Variants in RALYL observed in about 807,000 individuals in gnomAD.
The protein encoded by RALYL is RALY RNA binding protein like, also known as RNA-binding Raly-like protein.
RALYL carries 29 observed loss-of-function variants against 35.1 expected under a neutral mutation model. The observed-to-expected ratio is 0.83, with a 90% confidence interval of 0.61 to 1.13. The LOEUF is 1.13. Among genes scored for constraint, RALYL ranks in the 50% most tolerant of loss-of-function variants. The pLI is 0.00. For missense variants in RALYL, 359 were observed against 360.4 expected, an observed-to-expected ratio of 1.00 and a Z score of 0.03; for synonymous variants, 120 against 127.6, an observed-to-expected ratio of 0.94 and a Z score of 0.40.
At chr8:84,403,530 T>G (rs971501141) in intron 1 of RALYL, among the ~76,000 whole-genome samples, 18 of 129,650 alleles carry the variant, frequency 1.4e-4, no homozygotes, top group African/African-American at 5.0e-4. Context: ...CTCTGTTTTT[T>G]TTTTTTTTTT....
intron 2 of RALYL, among the ~76,000 whole-genome samples, chr8:84,669,495 C>CTCCT (rs1245149936): frequency 2.6e-5 from 2 of 77,266 alleles, no homozygotes; most frequent in Non-Finnish European, 2.6e-5. Context: ...CCTCCCCCCC[C>CTCCT]CCCCACTCTA....
At chr8:84,478,861 C>T (rs1008348302) in intron 1 of RALYL, among the ~76,000 whole-genome samples, 1 of 148,526 alleles carries the variant, frequency 6.7e-6, no homozygotes, top group Admixed American at 6.9e-5. Flanking sequence ...CGGAGGCGGG[C>T]GGATCACGAG....
rs918935577 is a variant in RALYL at position 84,376,593 on chromosome 8, A to C, written c.-23-152706A>C. Among the ~76,000 whole-genome samples the C allele has an allele frequency of 8.6e-5, 13 of 151,800 alleles. 1 individual carries two copies. The highest frequency in any genetic ancestry group is 1.9e-4 in the Non-Finnish European group (13 of 67,860). On this transcript the variant is annotated intron_variant, in intron 1 of 8. Coordinates refer to ENST00000521268, the MANE Select transcript of RALYL (RefSeq NM_173848.7). ...GCAGGGTACTTGGCAAGTTGTCAAA[A>C]CTGAGCCTCAAATTACTGGAATAAA...
At chr8:84,692,303 A>G (rs1338257534) in intron 2 of RALYL, among the ~76,000 whole-genome samples, 1 of 152,016 alleles carries the variant, frequency 6.6e-6, no homozygotes, top group East Asian at 1.9e-4. Flanking sequence ...AATCAAAAAC[A>G]ATATGGACTG....
At chr8:84,849,891 A>G in intron 4 of RALYL, 89 bp from the exon 5 acceptor site, 1 of 693,254 alleles carries the variant, frequency 1.4e-6, no homozygotes, top group Non-Finnish European at 2.4e-6. Context: ...TTTAAAAGTA[A>G]CAAATTTTAT....
At chr8:84,478,521 A>G (rs2053669265) in intron 1 of RALYL, among the ~76,000 whole-genome samples, 2 of 152,280 alleles carry the variant, frequency 1.3e-5, no homozygotes, top group South Asian at 4.1e-4. Context: ...GTCCATGGAT[A>G]TTCTCTACAT....
intron 2 of RALYL, among the ~76,000 whole-genome samples, chr8:84,609,292 G>C (rs1291600611): frequency 6.6e-6 from 1 of 152,114 alleles, no homozygotes; most frequent in East Asian, 1.9e-4. Flanking sequence ...GTTTTTCTTT[G>C]ATCAACTTAA....
At chr8:84,426,879 T>C (rs1030970455) in intron 1 of RALYL, among the ~76,000 whole-genome samples, 1 of 152,042 alleles carries the variant, frequency 6.6e-6, no homozygotes, top group African/African-American at 2.4e-5. Context: ...GGTACAGCCG[T>C]TATGGAGAAC....
chr8:84,350,284 A>C (rs1850653675), intron 1 of RALYL, among the ~76,000 whole-genome samples: 1 of 150,474 alleles, frequency 6.6e-6, no homozygotes. Flanking sequence ...AGGGATCTAA[A>C]ATGCACATCA....
chr8:84,805,332 A>G (rs1441425101), intron 4 of RALYL, among the ~76,000 whole-genome samples: 1 of 152,218 alleles, frequency 6.6e-6, no homozygotes, highest in Non-Finnish European at 1.5e-5. Context: ...GCAAATTTAG[A>G]TAAGACGAAC....
At chr8:84,913,715 T>C (rs1180280690) in intron 8 of RALYL, among the ~76,000 whole-genome samples, 2 of 151,968 alleles carry the variant, frequency 1.3e-5, no homozygotes, top group Non-Finnish European at 2.9e-5. Flanking sequence ...AAATTCTGAG[T>C]TATCCAGTAT....
At chr8:84,219,861 G>A (rs989521699) in intron 1 of RALYL, among the ~76,000 whole-genome samples, 17 of 125,442 alleles carry the variant, frequency 1.4e-4, no homozygotes, top group East Asian at 4.2e-4. Context: ...AACAGAAGAC[G>A]TATAGATAGA....
chr8:84,387,854 A>C (rs1409894742), intron 1 of RALYL, among the ~76,000 whole-genome samples: 4 of 126,368 alleles, frequency 3.2e-5, no homozygotes, highest in Non-Finnish European at 6.9e-5. Context: ...TTTAAAATTT[A>C]TTATTATACT....
At chr8:84,386,825 A>G (rs1859308046) in intron 1 of RALYL, among the ~76,000 whole-genome samples, 1 of 151,860 alleles carries the variant, frequency 6.6e-6, no homozygotes, top group African/African-American at 2.4e-5. Flanking sequence ...CCTATACTTC[A>G]GCATTCTAAA....
chr8:84,902,516 A>G (rs1293669698), intron 8 of RALYL, among the ~76,000 whole-genome samples: 1 of 152,220 alleles, frequency 6.6e-6, no homozygotes, highest in East Asian at 1.9e-4. Flanking sequence ...TAATCATTGG[A>G]GAATGGGCTT....
Position 84,279,413 on chromosome 8 carries a change from A to C in RALYL, c.-24+94989A>C, listed in dbSNP as rs557446476. ...TTAAAGAGTTTTTATTCAAAATTGGACAGATATATTTATGAGATTCAGAAA... is the reference window on the plus strand; with the variant it reads ...TTAAAGAGTTTTTATTCAAAATTGGCCAGATATATTTATGAGATTCAGAAA... On this transcript the variant is annotated intron_variant, in intron 1 of 8. Coordinates refer to ENST00000521268, the MANE Select transcript of RALYL (RefSeq NM_173848.7). Among the ~76,000 whole-genome samples the C allele has an allele frequency of 4.6e-5, 7 of 152,318 alleles. No individual in the cohort carries two copies. In the East Asian group the frequency reaches 1.4e-3, roughly 29 times the overall value.
chr8:84,516,028 G>A (rs1303345133), intron 1 of RALYL, among the ~76,000 whole-genome samples: 2 of 149,452 alleles, frequency 1.3e-5, no homozygotes, highest in Non-Finnish European at 3.0e-5. Flanking sequence ...GGTAGGGGGC[G>A]GTGTGGGGTG....
At chr8:84,601,514 A>T (rs1002258142) in intron 2 of RALYL, among the ~76,000 whole-genome samples, 2 of 152,102 alleles carry the variant, frequency 1.3e-5, no homozygotes, top group Non-Finnish European at 1.5e-5. Context: ...AATGGGATTT[A>T]AATTAGGTCA....
chr8:84,385,497 T>G (rs1418460669), intron 1 of RALYL, among the ~76,000 whole-genome samples: 2 of 151,852 alleles, frequency 1.3e-5, no homozygotes, highest in African/African-American at 4.8e-5. Flanking sequence ...GAGTACACCT[T>G]ATCCATCTAC....
Sources: allele counts gnomAD v4.1 joint callset (sites outside exome capture counted in the v4.1 genomes callset), GRCh38; gene constraint gnomAD v4.1.1; transcripts MANE v1.5; gene names NCBI Gene and HGNC (gene_info 2026-07-23, HGNC 2026-07-21).